The following CDC42BPA variants were observed in gnomAD, a reference collection of about 807,000 sequenced individuals.
CDC42BPA encodes serine/threonine-protein kinase MRCK alpha.
CDC42BPA carries 80 observed loss-of-function variants against 223.5 expected under a neutral mutation model. The ratio of observed to expected loss-of-function variants is 0.36; its 90% CI spans 0.30 to 0.43. The LOEUF (loss-of-function observed/expected upper bound fraction) is 0.43. CDC42BPA is among the 20% of genes least tolerant of loss of function. The probability of loss-of-function intolerance (pLI) is 1.00; values close to 1 mark genes in which losing one functional copy is unlikely to be tolerated. For missense variants in CDC42BPA, 1,743 were observed against 2,099.9 expected (o/e 0.83, Z 3.32); for synonymous variants, 694 against 718.6 (o/e 0.97, Z 0.55).
At chr1:227,160,815 A>G (rs1431555972) in intron 5 of CDC42BPA, among the ~76,000 whole-genome samples, 179 bp from the exon 6 acceptor site, 1 of 152,158 alleles carries the variant, frequency 6.6e-6, no homozygotes, top group Non-Finnish European at 1.5e-5. Context: ...ACTTTCTCAA[A>G]CACATGTAAT....
intron 10 of CDC42BPA, among the ~76,000 whole-genome samples, chr1:227,136,447 A>C (rs1049540558): frequency 6.6e-6 from 1 of 152,196 alleles, no homozygotes; most frequent in Non-Finnish European, 1.5e-5. Context: ...GGAGAGGAGA[A>C]AGTGCATGAG....
intron 32 of CDC42BPA, 99 bp from the exon 33 acceptor site, chr1:227,017,149 A>C: frequency 9.5e-7 from 1 of 1,052,230 alleles, no homozygotes. Context: ...TGATAGTACA[A>C]GTACATGCAA....
intron 32 of CDC42BPA, among the ~76,000 whole-genome samples, chr1:227,020,006 C>G (rs1667078460): frequency 6.6e-6 from 1 of 152,138 alleles, no homozygotes; most frequent in African/African-American, 2.4e-5. Context: ...AAGCGATTCT[C>G]CTGCCTCAGC....
chr1:227,009,768 T>G (rs1664811331), intron 34 of CDC42BPA, among the ~76,000 whole-genome samples: 1 of 152,100 alleles, frequency 6.6e-6, no homozygotes, highest in Non-Finnish European at 1.5e-5. Context: ...CTCCCTGCAG[T>G]CTAAGCAAAC....
intron 4 of CDC42BPA, among the ~76,000 whole-genome samples, chr1:227,194,788 A>C (rs1670393290): frequency 6.6e-6 from 1 of 152,242 alleles, no homozygotes; most frequent in South Asian, 2.1e-4. Flanking sequence ...TTTTGTAGTC[A>C]GAGAAACCTG....
intron 5 of CDC42BPA, among the ~76,000 whole-genome samples, chr1:227,179,015 GACAT>G (rs1667448564): frequency 6.6e-6 from 1 of 152,098 alleles, no homozygotes; most frequent in Non-Finnish European, 1.5e-5. Flanking sequence ...CATATGTCCT[GACAT>G]ATCCTACAAC....
intron 3 of CDC42BPA, among the ~76,000 whole-genome samples, chr1:227,207,312 T>TA (rs1491359444): frequency 6.7e-5 from 1 of 14,938 alleles, no homozygotes; most frequent in Non-Finnish European, 1.8e-4. Context: ...ATGTCACACA[T>TA]TTTTTTTTTC....
chr1:227,150,959 T>C (rs1465211263), intron 6 of CDC42BPA, among the ~76,000 whole-genome samples: 2 of 151,940 alleles, frequency 1.3e-5, no homozygotes, highest in Admixed American at 6.6e-5. Context: ...CTAAATTTCT[T>C]AGGTTTTTTA....
intron 5 of CDC42BPA, among the ~76,000 whole-genome samples, chr1:227,187,495 A>C (rs1234567610): frequency 6.6e-5 from 10 of 151,494 alleles, no homozygotes; most frequent in Non-Finnish European, 1.2e-4. Context: ...AAAAAAAAAA[A>C]AAAACAGAAC....
intron 21 of CDC42BPA, among the ~76,000 whole-genome samples, chr1:227,064,146 C>T (rs1676498261): frequency 6.6e-6 from 1 of 152,072 alleles, no homozygotes; most frequent in Non-Finnish European, 1.5e-5. Flanking sequence ...CCTTTATATT[C>T]CCGAGCTTAA....
chr1:227,263,187 G>A (rs1427635269), intron 1 of CDC42BPA, among the ~76,000 whole-genome samples: 1 of 152,198 alleles, frequency 6.6e-6, no homozygotes, highest in African/African-American at 2.4e-5. Flanking sequence ...AGCCAAGATC[G>A]TGCCACTGCA....
intron 21 of CDC42BPA, among the ~76,000 whole-genome samples, chr1:227,060,903 G>A (rs1235535958): frequency 1.3e-5 from 2 of 151,598 alleles, no homozygotes; most frequent in African/African-American, 4.8e-5. Context: ...TGTATTTTTA[G>A]TAGAGATGGG....
intron 15 of CDC42BPA, among the ~76,000 whole-genome samples, chr1:227,096,716 C>T (rs1041517520): frequency 1.3e-5 from 2 of 152,186 alleles, no homozygotes; most frequent in African/African-American, 4.8e-5. Flanking sequence ...ACTCTTCCAT[C>T]CTTCCTGTAA....
At chr1:227,282,369 T>C (rs1688155385) in intron 1 of CDC42BPA, among the ~76,000 whole-genome samples, 1 of 152,144 alleles carries the variant, frequency 6.6e-6, no homozygotes, top group East Asian at 1.9e-4. Context: ...AAACCAAAAT[T>C]AATTAAGCGG....
intron 16 of CDC42BPA, among the ~76,000 whole-genome samples, chr1:227,081,792 C>T (rs756616253): frequency 5.3e-5 from 8 of 151,994 alleles, no homozygotes; most frequent in South Asian, 2.1e-4. Flanking sequence ...CTGTACTATT[C>T]GGGAACAAAT....
intron 5 of CDC42BPA, chr1:227,180,642 G>A (rs1323409237): frequency 6.6e-6 from 1 of 152,176 alleles, no homozygotes; most frequent in African/African-American, 2.4e-5. Flanking sequence ...GGTGCCAGAA[G>A]CCAGAATCAA....
At chr1:227,158,122 T>G (rs1332617989) in intron 6 of CDC42BPA, among the ~76,000 whole-genome samples, 2 of 152,008 alleles carry the variant, frequency 1.3e-5, no homozygotes, top group East Asian at 3.9e-4. Context: ...CCACCATGCC[T>G]GGCTAATTTT....
chr1:227,229,197 T>C (rs190167806), intron 2 of CDC42BPA, among the ~76,000 whole-genome samples: 14 of 152,340 alleles, frequency 9.2e-5, no homozygotes, highest in African/African-American at 3.4e-4. Flanking sequence ...TTTTTGAATA[T>C]GGTATGAAGT....
At chr1:227,157,586 G>T (rs1663045616) in intron 6 of CDC42BPA, among the ~76,000 whole-genome samples, 1 of 152,144 alleles carries the variant, frequency 6.6e-6, no homozygotes, top group Admixed American at 6.5e-5. Context: ...ATAGGTTTGA[G>T]ATATGGTAAA....
Sources: allele counts gnomAD v4.1 joint callset (sites outside exome capture counted in the v4.1 genomes callset), GRCh38; gene constraint gnomAD v4.1.1; transcripts MANE v1.5; gene names NCBI Gene and HGNC (gene_info 2026-07-23, HGNC 2026-07-21).